The following SIGLECL1 variants were observed in gnomAD, a reference collection of about 807,000 sequenced individuals.
The protein encoded by SIGLECL1 is SIGLEC family-like protein 1.
SIGLECL1 carries 16 observed loss-of-function variants against 19.1 expected under a neutral mutation model. That is an observed-to-expected ratio of 0.84 (90% CI 0.57 to 1.27). SIGLECL1 has a LOEUF of 1.27. SIGLECL1 is among the 50% of genes most tolerant of loss of function. The pLI is 0.00. For missense variants in SIGLECL1, 210 were observed against 239.4 expected (o/e 0.88, Z 0.81); for synonymous variants, 89 against 90.4 (o/e 0.98, Z 0.09).
intron 1 of SIGLECL1, among the ~76,000 whole-genome samples, chr19:51,253,801 C>T (rs1982633074): frequency 6.6e-6 from 1 of 152,214 alleles, no homozygotes; most frequent in African/African-American, 2.4e-5. Context: ...AGTCTGAAAT[C>T]TATGAACGTA....
At chr19:51,264,359 T>A in intron 2 of SIGLECL1, 1 of 405,922 alleles carries the variant, frequency 2.5e-6, no homozygotes, top group Non-Finnish European at 4.5e-6. Flanking sequence ...TAGGAGCTGT[T>A]TCAGACATTA....
upstream of SIGLECL1, among the ~76,000 whole-genome samples, chr19:51,249,126 G>T (rs1167228997): frequency 6.6e-6 from 1 of 152,208 alleles, no homozygotes; most frequent in African/African-American, 2.4e-5. Flanking sequence ...TAGGGTCTGG[G>T]GACCCAAGGG....
chr19:51,249,213 G>C (rs1301748066), upstream of SIGLECL1, among the ~76,000 whole-genome samples: 1 of 152,100 alleles, frequency 6.6e-6, no homozygotes, highest in African/African-American at 2.4e-5. Flanking sequence ...ACCTTGAAGG[G>C]AAAGCAAGAG....
At chr19:51,260,410 T>C (rs4802773) in intron 1 of SIGLECL1, among the ~76,000 whole-genome samples, 1 of 152,270 alleles carries the variant, frequency 6.6e-6, no homozygotes, top group Non-Finnish European at 1.5e-5. Context: ...GAATGGTCCA[T>C]GTTGTTGCAT....
At chr19:51,254,148 A>ACT (rs1422296061) in intron 1 of SIGLECL1, among the ~76,000 whole-genome samples, 7 of 151,774 alleles carry the variant, frequency 4.6e-5, no homozygotes, top group African/African-American at 1.7e-4. Flanking sequence ...GCAAGACTCG[A>ACT]CTCTCTCTCT....
rs1983453651 is a variant in SIGLECL1, at chr19:51,264,108, G to T, written c.22+14G>T. On this transcript the variant is annotated intron_variant, in intron 2 of 5. Transcript: ENST00000601727. ...TGCTACAGCTGGGTAAGTAAGGTGA[G>T]AAGCAGCACTGGAGGTGTGTTTGGA... 6.2e-7 allele frequency: 1 copy of T among 1,613,884 alleles called. No homozygotes were observed. Among genetic ancestry groups the T allele is most frequent in the South Asian group, 1.1e-5 (1 of 91,034 alleles).
At position 51,264,218 on chromosome 19, in the gene SIGLECL1, C is replaced by A. The variant is rs2123441101; in HGVS notation, c.22+124C>A. 4 of 1,108,758 alleles carry A rather than the reference C, an allele frequency of 3.6e-6. No individual in the cohort carries two copies. The South Asian group carries it at 4.4e-5, about 12-fold the overall frequency. 68.7% of individuals were successfully genotyped at this position (1,108,758 alleles called of 1,614,324 possible). On this transcript the variant is annotated intron_variant, in intron 2 of 5. Coordinates refer to ENST00000601727, the MANE Select transcript of SIGLECL1 (RefSeq NM_001385465.1). ...GAAAGAGGACATATGGGCATAAGTA[C>A]CAAATAATCAACATGAATTAGACAG...
At chr19:51,257,031 CATTT>C (rs1485272303) in intron 1 of SIGLECL1, among the ~76,000 whole-genome samples, 17 of 152,112 alleles carry the variant, frequency 1.1e-4, no homozygotes, top group Admixed American at 1.0e-3. Context: ...ATCCAGTTTT[CATTT>C]AAAGATTGTG....
intron 1 of SIGLECL1, among the ~76,000 whole-genome samples, chr19:51,262,371 T>A (rs1202238845): frequency 6.6e-6 from 1 of 152,204 alleles, no homozygotes; most frequent in Non-Finnish European, 1.5e-5. Flanking sequence ...GAAGAGTGTA[T>A]AAAGAATGTA....
chr19:51,264,779 T>A (rs1027642421), intron 2 of SIGLECL1, among the ~76,000 whole-genome samples: 2 of 152,208 alleles, frequency 1.3e-5, no homozygotes, highest in Non-Finnish European at 2.9e-5. Flanking sequence ...CCAGTGAATG[T>A]TCCACCAAAG....
intron 1 of SIGLECL1, among the ~76,000 whole-genome samples, chr19:51,263,448 G>A (rs558815920): frequency 3.1e-4 from 47 of 152,278 alleles, no homozygotes; most frequent in Non-Finnish European, 5.7e-4. Flanking sequence ...TCCAGACTGG[G>A]TGACAGAGAG....
chr19:51,262,141 T>C (rs987007489), intron 1 of SIGLECL1, among the ~76,000 whole-genome samples: 1 of 152,240 alleles, frequency 6.6e-6, no homozygotes, highest in African/African-American at 2.4e-5. Context: ...TTAATTCTGA[T>C]ACAGTCCATT....
upstream of SIGLECL1, among the ~76,000 whole-genome samples, chr19:51,249,533 G>A (rs1982372158): frequency 6.6e-6 from 1 of 152,220 alleles, no homozygotes; most frequent in South Asian, 2.1e-4. Flanking sequence ...AAAGGGAGAA[G>A]AATCTTTGCA....
chr19:51,268,426 T>C lies in SIGLECL1; in HGVS notation c.568-145T>C, dbSNP rs1568447437. On this transcript the variant is annotated intron_variant, in intron 5 of 5. Transcript: ENST00000601727. ...CGAGTTGCAGGCTTTAACCATGGGG[T>C]TGTGAGGAAGGGCTAAGCCAGTGCT... is the stretch of plus-strand genomic sequence containing the variant. 10 of 828,762 alleles carry C rather than the reference T, an allele frequency of 1.2e-5. No homozygotes were observed. The East Asian group carries it at 2.2e-4, about 18-fold the overall frequency. The allele number at this position is 828,762 out of a possible 1,614,324, so 51.3% of individuals were successfully genotyped here. A position where few individuals can be genotyped will look rare whatever the true frequency, so the allele number is the denominator to read the frequency against.
At chr19:51,250,693 C>T (rs769053378), upstream of SIGLECL1, among the ~76,000 whole-genome samples, 1 of 152,194 alleles carries the variant, frequency 6.6e-6, no homozygotes, top group African/African-American at 2.4e-5. Flanking sequence ...TTCATCAGCA[C>T]GGGCTGGAAA....
chr19:51,257,765 G>A (rs138532042), intron 1 of SIGLECL1: 1 of 152,206 alleles, frequency 6.6e-6, no homozygotes, highest in South Asian at 2.1e-4. Flanking sequence ...GTCTAACAAT[G>A]TGATTTAGAA....
At chr19:51,263,451 A>G (rs1200037284) in intron 1 of SIGLECL1, among the ~76,000 whole-genome samples, 1 of 152,228 alleles carries the variant, frequency 6.6e-6, no homozygotes, top group African/African-American at 2.4e-5. Flanking sequence ...AGACTGGGTG[A>G]CAGAGAGAGA....
At chr19:51,246,712 C>A (rs1982270858), upstream of SIGLECL1, among the ~76,000 whole-genome samples, 1 of 152,052 alleles carries the variant, frequency 6.6e-6, no homozygotes, top group African/African-American at 2.4e-5. Flanking sequence ...GAATTCTTAA[C>A]AGGACCCGTT....
At chr19:51,257,998 TAGA>T (rs1982934488) in intron 1 of SIGLECL1, 1 of 152,392 alleles carries the variant, frequency 6.6e-6, no homozygotes, top group Non-Finnish European at 1.5e-5. Flanking sequence ...AGAGGATAAC[TAGA>T]AGCTTTGTGT....
Sources: gnomAD v4.1 joint callset for allele counts (sites outside exome capture counted in the v4.1 genomes callset) on GRCh38, gnomAD v4.1.1 for gene constraint, MANE v1.5 for transcripts, NCBI Gene and HGNC (gene_info 2026-07-23, HGNC 2026-07-21) for gene names.